Variants in RNF135 observed in about 807,000 individuals in gnomAD.
RNF135 encodes ring finger protein 135, also known as E3 ubiquitin-protein ligase RNF135.
In RNF135, 46 loss-of-function variants were observed where a neutral mutation model predicts 41.9. The ratio of observed to expected loss-of-function variants is 1.10; its 90% CI spans 0.87 to 1.40. The LOEUF (loss-of-function observed/expected upper bound fraction) is 1.40, where lower values mean the gene tolerates loss of function less well. Ranked by LOEUF, RNF135 falls within the 40% of genes most tolerant of loss-of-function variation. The pLI is 0.00. For synonymous variants in RNF135, 238 were observed against 223.8 expected (o/e 1.06, Z -0.57); for missense variants, 539 against 549.8 (o/e 0.98, Z 0.20).
upstream of RNF135, among the ~76,000 whole-genome samples, chr17:30,967,218 C>T (rs556388237): frequency 2.4e-4 from 37 of 152,020 alleles, no homozygotes; most frequent in South Asian, 7.7e-3. Context: ...TTGGTAGAGG[C>T]AGGGTTTCAC....
chr17:30,966,375 A>AT (rs1420958386), upstream of RNF135, among the ~76,000 whole-genome samples: 23 of 127,796 alleles, frequency 1.8e-4, no homozygotes, highest in African/African-American at 8.7e-4. Flanking sequence ...TATTTATTTA[A>AT]TTTTTAAGTT....
intron 3 of RNF135, 41 bp from the exon 4 acceptor site, chr17:30,997,201 T>G: frequency 6.5e-7 from 1 of 1,549,778 alleles, no homozygotes; most frequent in Non-Finnish European, 8.9e-7. Flanking sequence ...GTTTGCCTTT[T>G]TCTGATGGGA....
At position 30,995,123 on chromosome 17, in the gene RNF135, T is replaced by C. The variant is rs928227944; in HGVS notation, c.680-2119T>C. Among the ~76,000 whole-genome samples the C allele has an allele frequency of 4.0e-5, 6 of 151,586 alleles. No individual in the cohort carries two copies. The South Asian group carries it at 8.4e-4, about 21-fold the overall frequency. On this transcript the variant is annotated intron_variant, in intron 3 of 4. Coordinates refer to ENST00000328381, the MANE Select transcript of RNF135 (RefSeq NM_032322.4). ...AATTGTTTTGGCCGGGACAGTGGCT[T>C]ACGCCTGTAATCATAGCACTTTGGG... is the stretch of plus-strand genomic sequence containing the variant.
chr17:30,982,057 A>G (rs1367220044), intron 1 of RNF135, among the ~76,000 whole-genome samples: 1 of 152,180 alleles, frequency 6.6e-6, no homozygotes, highest in African/African-American at 2.4e-5. Context: ...TACCACCTAT[A>G]TTGACTCAAG....
Position 30,971,130 on chromosome 17 carries a change from C to T in RNF135, c.57C>T (p.Leu19=). The change falls in exon 1 of 5, where the codon CTC becomes CTT. Residue 19 remains leucine, a synonymous_variant. Coordinates refer to ENST00000328381, the MANE Select transcript of RNF135 (RefSeq NM_032322.4). ...AVPVWLAEDD[L]GCIICQGLLD... Reference sequence around the variant, plus strand: ...CCGTGTGGCTGGCCGAGGACGACCTCGGCTGCATCATCTGCCAGGGGCTGC... The same window carrying T: ...CCGTGTGGCTGGCCGAGGACGACCTTGGCTGCATCATCTGCCAGGGGCTGC... 6.5e-7 allele frequency: 1 copy of T among 1,534,242 alleles called. No individual in the cohort carries two copies. Among genetic ancestry groups the T allele is most frequent in the Admixed American group, 2.0e-5 (1 of 50,944 alleles).
upstream of RNF135, among the ~76,000 whole-genome samples, chr17:30,966,374 AATT>A (rs1381190242): frequency 1.9e-4 from 26 of 138,706 alleles, no homozygotes; most frequent in African/African-American, 8.0e-4. Flanking sequence ...TTATTTATTT[AATT>A]TTTAAGTTTT....
intron 1 of RNF135, among the ~76,000 whole-genome samples, chr17:30,978,057 A>G (rs980568970): frequency 1.3e-5 from 2 of 152,152 alleles, no homozygotes; most frequent in African/African-American, 4.8e-5. Context: ...ATGTCATGGC[A>G]CTTTCTCCTG....
At chr17:30,984,155 T>G (rs1373320632) in intron 1 of RNF135, among the ~76,000 whole-genome samples, 3 of 152,238 alleles carry the variant, frequency 2.0e-5, no homozygotes, top group Admixed American at 6.5e-5. Flanking sequence ...AAACATTTCA[T>G]GTAGTCCAAT....
chr17:30,985,086 C>A (rs1040448123), intron 2 of RNF135, among the ~76,000 whole-genome samples: 2 of 152,142 alleles, frequency 1.3e-5, no homozygotes, highest in African/African-American at 4.8e-5. Context: ...ACACTGTGGA[C>A]CACACCTTCA....
intron 1 of RNF135, among the ~76,000 whole-genome samples, chr17:30,976,610 T>G (rs114557741): frequency 1.8e-3 from 279 of 152,376 alleles, no homozygotes; most frequent in African/African-American, 6.6e-3. Flanking sequence ...CTAATAATAC[T>G]TGCTTTACAT....
the RNF135 span, chr17:30,958,997 A>T: frequency 6.6e-6 from 1 of 152,106 alleles, no homozygotes; most frequent in African/African-American, 2.4e-5. Flanking sequence ...GACTGCCCAG[A>T]TAGGGAGGTG....
At chr17:30,975,658 G>T in intron 1 of RNF135, 1 of 1,285,076 alleles carries the variant, frequency 7.8e-7, no homozygotes, top group Middle Eastern at 1.9e-4. Flanking sequence ...CGCCAATACC[G>T]GAGGGTGGAG....
intron 4 of RNF135, among the ~76,000 whole-genome samples, chr17:30,998,006 G>A (rs905806733): frequency 6.6e-6 from 1 of 152,236 alleles, no homozygotes; most frequent in South Asian, 2.1e-4. Context: ...AACTGGGAAG[G>A]TATAAACAGC....
intron 1 of RNF135, among the ~76,000 whole-genome samples, chr17:30,976,873 CTT>C (rs1906505348): frequency 6.6e-6 from 1 of 151,978 alleles, no homozygotes. Context: ...ATCATTGGGT[CTT>C]GTTTTTTTAT....
Position 30,971,173 on chromosome 17 carries a change from C to T in RNF135, c.100C>T (p.Leu34=). The T allele has an allele frequency of 6.5e-7, 1 of 1,530,006 alleles. No homozygotes were observed. The highest frequency in any genetic ancestry group is 8.7e-7 in the Non-Finnish European group (1 of 1,144,432). The allele number at this position is 1,530,006 out of a possible 1,614,324, so 94.8% of individuals were successfully genotyped here. A position where few individuals can be genotyped will look rare whatever the true frequency, so the allele number is the denominator to read the frequency against. ...CQGLLDWPAT[L]PCGHSFCRHC... ...GGGGCTGCTGGACTGGCCCGCCACGCTGCCCTGCGGCCACAGCTTCTGCCG... is the reference window on the plus strand; with the variant it reads ...GGGGCTGCTGGACTGGCCCGCCACGTTGCCCTGCGGCCACAGCTTCTGCCG... The change falls in exon 1 of 5, where the codon CTG becomes TTG. Residue 34 remains leucine (L), a synonymous_variant. Coordinates refer to ENST00000328381, the MANE Select transcript of RNF135 (RefSeq NM_032322.4).
At chr17:30,966,121 C>T (rs555595720), upstream of RNF135, among the ~76,000 whole-genome samples, 1 of 152,184 alleles carries the variant, frequency 6.6e-6, no homozygotes, top group Non-Finnish European at 1.5e-5. Context: ...TGGTTTCAGC[C>T]CCCTGAATAA....
At chr17:30,978,205 A>C (rs915584058) in intron 1 of RNF135, among the ~76,000 whole-genome samples, 2 of 152,174 alleles carry the variant, frequency 1.3e-5, no homozygotes, top group Non-Finnish European at 2.9e-5. Flanking sequence ...AAATGCCTTC[A>C]CATAGTCTTC....
Position 30,971,283 on chromosome 17 carries a change from G to A in RNF135, c.210G>A (p.Pro70=). ...PTCRQGAAQQ[P]HLRKNTLLQD... ...GCCGCCAGGGCGCCGCGCAGCAGCC[G>A]CACCTGCGGAAGAACACGCTACTGC... Residue 70 remains proline (P), a synonymous_variant, in exon 1 of 5, where the codon CCG becomes CCA. Transcript: ENST00000328381. 3.3e-6 allele frequency: 5 copies of A among 1,526,786 alleles called. No homozygotes were observed. The highest frequency in any genetic ancestry group is 4.4e-6 in the Non-Finnish European group (5 of 1,141,172). The allele number at this position is 1,526,786 out of a possible 1,614,324, so 94.6% of individuals were successfully genotyped here.
intron 3 of RNF135, among the ~76,000 whole-genome samples, chr17:30,993,040 TTTATTATTA>T (rs58023443): frequency 3.8e-4 from 56 of 146,294 alleles, no homozygotes; most frequent in African/African-American, 7.0e-4. Flanking sequence ...GTTTTATTTG[TTTATTATTA>T]TTATTATTAT....
Sources: allele counts gnomAD v4.1 joint callset (sites outside exome capture counted in the v4.1 genomes callset), GRCh38; gene constraint gnomAD v4.1.1; transcripts MANE v1.5; gene names NCBI Gene and HGNC (gene_info 2026-07-23, HGNC 2026-07-21).